Variants in SSH2 observed in about 807,000 individuals in gnomAD.
SSH2 encodes the protein protein phosphatase Slingshot homolog 2.
In SSH2, 37 loss-of-function variants were observed where a neutral mutation model predicts 135.2. The observed-to-expected ratio is 0.27, with a 90% confidence interval of 0.21 to 0.36. SSH2 has a LOEUF of 0.36. SSH2 is among the 10% of genes least tolerant of loss of function. The probability of loss-of-function intolerance (pLI) is 1.00; values close to 1 mark genes in which losing one functional copy is unlikely to be tolerated. For synonymous variants in SSH2, 628 were observed against 646.2 expected, an observed-to-expected ratio of 0.97 and a Z score of 0.43; for missense variants, 1,408 against 1,765.3, an observed-to-expected ratio of 0.80 and a Z score of 3.63.
At chr17:29,633,578 C>CT (rs1414901817) in intron 15 of SSH2, among the ~76,000 whole-genome samples, 1 of 152,242 alleles carries the variant, frequency 6.6e-6, no homozygotes, top group African/African-American at 2.4e-5. Flanking sequence ...TACATAATCT[C>CT]TAAGTTTCAC....
At chr17:29,771,853 C>T (rs1159384504) in intron 3 of SSH2, among the ~76,000 whole-genome samples, 1 of 152,130 alleles carries the variant, frequency 6.6e-6, no homozygotes, top group African/African-American at 2.4e-5. Flanking sequence ...ACTTCCCTGG[C>T]CATATTTCAC....
chr17:29,632,911 G>C lies in SSH2; in HGVS notation c.2283C>G (p.Ser761Arg), dbSNP rs1345272031. Residue 761 changes from serine to arginine, a missense_variant, in exon 16 of 16, where the codon AGC becomes AGG. By Grantham distance (110) the Ser-to-Arg change is moderately radical (BLOSUM62 -1). Transcript: ENST00000540801. ...AGTGAGACTGCATGAAGATGTCTGG[G>C]CTGACCAGTTCTGAAATTGCCTAAG... ...EQSKAISELV[S>R]PDIFMQSHSE... The C allele has an allele frequency of 6.2e-7, 1 of 1,610,212 alleles. No individual in the cohort carries two copies. Among genetic ancestry groups the C allele is most frequent in the Non-Finnish European group, 8.5e-7 (1 of 1,177,730 alleles).
intron 1 of SSH2, chr17:29,863,303 C>G (rs1252856716): frequency 6.6e-6 from 1 of 152,236 alleles, no homozygotes; most frequent in South Asian, 2.1e-4. Flanking sequence ...GTCTACCCAA[C>G]AGTCATCTCT....
chr17:29,691,584 G>A (rs140479104), intron 5 of SSH2, among the ~76,000 whole-genome samples: 5,103 of 151,568 alleles, frequency 0.034, 126 homozygotes, highest in African/African-American at 0.063. Context: ...TCTGCCTCCC[G>A]GGTTCACACC....
chr17:29,805,333 T>C (rs2042324623), intron 2 of SSH2, among the ~76,000 whole-genome samples: 1 of 151,896 alleles, frequency 6.6e-6, no homozygotes, highest in Non-Finnish European at 1.5e-5. Context: ...TTTTTGTATT[T>C]TTTAGTAGAG....
At chr17:29,678,649 G>A (rs1402723908) in intron 6 of SSH2, among the ~76,000 whole-genome samples, 3 of 150,406 alleles carry the variant, frequency 2.0e-5, no homozygotes, top group African/African-American at 7.3e-5. Context: ...CTGAAACACA[G>A]TTAATAGAAA....
intron 1 of SSH2, chr17:29,929,267 C>T (rs1236542163): frequency 1.3e-5 from 2 of 152,642 alleles, no homozygotes; most frequent in Admixed American, 1.3e-4. Context: ...ATCTGTAAGA[C>T]GGAAATAATT....
chr17:29,707,526 C>A (rs2039255254), intron 3 of SSH2, among the ~76,000 whole-genome samples: 1 of 151,538 alleles, frequency 6.6e-6, no homozygotes, highest in Middle Eastern at 3.4e-3. Context: ...CAACAGACTA[C>A]TATTTTTTTT....
intron 14 of SSH2, among the ~76,000 whole-genome samples, chr17:29,643,730 G>C (rs1567838255): frequency 6.6e-6 from 1 of 152,124 alleles, no homozygotes; most frequent in Non-Finnish European, 1.5e-5. Context: ...CTGACCTCAA[G>C]TGATCCACCC....
At chr17:29,784,255 C>T (rs1243588235) in intron 3 of SSH2, among the ~76,000 whole-genome samples, 1 of 148,864 alleles carries the variant, frequency 6.7e-6, no homozygotes, top group Non-Finnish European at 1.5e-5. Flanking sequence ...CGTGGTGGCA[C>T]GCACCTGTAA....
At chr17:29,689,942 A>G (rs1375027299) in intron 5 of SSH2, among the ~76,000 whole-genome samples, 2 of 144,474 alleles carry the variant, frequency 1.4e-5, no homozygotes, top group East Asian at 4.3e-4. Flanking sequence ...TGAACCCAGG[A>G]GGCAGAGGCT....
chr17:29,821,891 G>C (rs865862864), intron 2 of SSH2, among the ~76,000 whole-genome samples: 2 of 152,016 alleles, frequency 1.3e-5, no homozygotes, highest in Admixed American at 1.3e-4. Flanking sequence ...TAGTCTGCCC[G>C]CCTCGGCCTC....
chr17:29,672,489 A>G (rs575517776), intron 8 of SSH2, among the ~76,000 whole-genome samples: 4 of 152,270 alleles, frequency 2.6e-5, no homozygotes, highest in African/African-American at 7.2e-5. Context: ...ATAATTTGCC[A>G]TATAAAGATT....
Position 29,718,539 on chromosome 17 carries a change from C to T in SSH2, c.189-15477G>A, listed in dbSNP as rs147070590. Among the ~76,000 whole-genome samples, 523 of 152,170 alleles carry T rather than the reference C, an allele frequency of 3.4e-3. 1 individual carries two copies. Among genetic ancestry groups the T allele is most frequent in the Middle Eastern group, 0.01 (3 of 294 alleles). On this transcript the variant is annotated intron_variant, in intron 3 of 15. Coordinates refer to ENST00000540801, the MANE Select transcript of SSH2 (RefSeq NM_001282129.2). ...TCTCTTAAGAGGCTACAGTCCCGTC[C>T]TGGCTAACACGGTGAAACCTTGTCT...
rs117285254 is a variant in SSH2, at chr17:29,779,760, G to A, written c.188+14134C>T. ...TTGAACTCAGAAAGTGGAGTGTGCT[G>A]AGATCGCCCCATTGCATTCCAGCCT... is the stretch of plus-strand genomic sequence containing the variant. On this transcript the variant is annotated intron_variant, in intron 3 of 15. Transcript: ENST00000540801. Among the ~76,000 whole-genome samples, 1,154 of 125,614 alleles carry A rather than the reference G, an allele frequency of 9.2e-3. 49 individuals carry two copies. The East Asian group carries it at 0.16, about 17-fold the overall frequency. The allele number at this position is 125,614 out of a possible 152,430, so 82.4% of individuals were successfully genotyped here.
intron 8 of SSH2, among the ~76,000 whole-genome samples, chr17:29,675,103 G>C (rs1288824865): frequency 6.6e-6 from 1 of 152,202 alleles, no homozygotes; most frequent in East Asian, 1.9e-4. Flanking sequence ...CTTAGTCAAA[G>C]GGGGTCATAA....
chr17:29,822,294 G>C (rs533084116), intron 2 of SSH2, among the ~76,000 whole-genome samples: 8 of 151,984 alleles, frequency 5.3e-5, no homozygotes, highest in Non-Finnish European at 1.0e-4. Flanking sequence ...GATATTTCTA[G>C]ATATGAGAAT....
intron 2 of SSH2, among the ~76,000 whole-genome samples, chr17:29,824,740 G>A (rs1172030500): frequency 6.6e-6 from 1 of 152,210 alleles, no homozygotes; most frequent in Non-Finnish European, 1.5e-5. Context: ...AACTGTGCCT[G>A]TAGCATAGCT....
chr17:29,711,681 A>G (rs2039434979), intron 3 of SSH2, among the ~76,000 whole-genome samples: 1 of 152,140 alleles, frequency 6.6e-6, no homozygotes, highest in Admixed American at 6.5e-5. Flanking sequence ...CTGGAACTGC[A>G]AGGGGTTTTG....
Sources: gnomAD v4.1 joint callset for allele counts (sites outside exome capture counted in the v4.1 genomes callset) on GRCh38, gnomAD v4.1.1 for gene constraint, MANE v1.5 for transcripts, NCBI Gene and HGNC (gene_info 2026-07-23, HGNC 2026-07-21) for gene names.